The following NECAB1 variants were observed in gnomAD, a reference collection of about 807,000 sequenced individuals.
NECAB1 encodes N-terminal EF-hand calcium-binding protein 1.
In NECAB1, 29 loss-of-function variants were observed where a neutral mutation model predicts 57.5. That is an observed-to-expected ratio of 0.50 (90% CI 0.38 to 0.69). NECAB1 has a LOEUF of 0.69. Among genes scored for constraint, NECAB1 ranks in the 30% least tolerant of loss-of-function variants. The pLI, the probability that NECAB1 is intolerant of heterozygous loss-of-function variation, is 0.00. For synonymous variants in NECAB1, 142 were observed against 147.7 expected, an observed-to-expected ratio of 0.96 and a Z score of 0.28; for missense variants, 372 against 413.8, an observed-to-expected ratio of 0.90 and a Z score of 0.88.
rs1563549420 is a variant in NECAB1, at chr8:90,956,339, A to G, written c.*827A>G. 6.6e-6 allele frequency: 1 copy of G among 152,078 alleles called. No homozygotes were observed. Among genetic ancestry groups the G allele is most frequent in the Non-Finnish European group, 1.5e-5 (1 of 67,956 alleles). The allele number at this position is 152,078 out of a possible 1,614,324, so 9.4% of individuals were successfully genotyped here. On this transcript the variant is annotated 3_prime_UTR_variant, in exon 13 of 13. Coordinates refer to ENST00000417640, the MANE Select transcript of NECAB1 (RefSeq NM_022351.5). ...GAAAAATACATATTTGCATGTAAAC[A>G]ATGATTTCAAAATACTTGAAAAATA...
chr8:90,910,683 G>A (rs534077497), intron 5 of NECAB1, among the ~76,000 whole-genome samples: 1 of 152,124 alleles, frequency 6.6e-6, no homozygotes, highest in African/African-American at 2.4e-5. Context: ...GTTCACAGGG[G>A]CTACACAGTT....
chr8:90,834,164 C>CAAAA (rs71560282), intron 3 of NECAB1, among the ~76,000 whole-genome samples: 13 of 49,118 alleles, frequency 2.6e-4, no homozygotes, highest in East Asian at 1.2e-3. Context: ...AACTGTGTCT[C>CAAAA]AAAAAAAAAA....
chr8:90,831,677 C>T lies in NECAB1; in HGVS notation c.233+6852C>T, dbSNP rs116198141. The stretch of plus-strand genomic sequence containing the variant: ...TCCATTCCCAGGAGTCCTGCTTTCC[C>T]ATTCTCTTCCTAGTACAGCCATGCC... On this transcript the variant is annotated intron_variant, in intron 3 of 12. Transcript: ENST00000417640. Among the ~76,000 whole-genome samples the T allele has an allele frequency of 1.4e-3, 216 of 152,164 alleles. 1 individual carries two copies. The highest frequency in any genetic ancestry group is 5.1e-3 in the African/African-American group (211 of 41,514).
rs1305882799 is a variant in NECAB1, at chr8:90,955,657, T to C, written c.*145T>C. The C allele has an allele frequency of 7.9e-6, 4 of 504,264 alleles. No homozygotes were observed. The African/African-American group carries it at 8.0e-5, about 10-fold the overall frequency. 31.2% of individuals were successfully genotyped at this position (504,264 alleles called of 1,614,324 possible). A position where few individuals can be genotyped will look rare whatever the true frequency, so the allele number is the denominator to read the frequency against. ...CTAAGTGCACTCTTTCAAAACTTAT[T>C]CTATAACTTTATCAATTCATGTGAA... is the stretch of plus-strand genomic sequence containing the variant. On this transcript the variant is annotated 3_prime_UTR_variant, in exon 13 of 13. Coordinates refer to ENST00000417640, the MANE Select transcript of NECAB1 (RefSeq NM_022351.5).
At chr8:90,943,435 T>C (rs893647795) in intron 10 of NECAB1, among the ~76,000 whole-genome samples, 4 of 152,236 alleles carry the variant, frequency 2.6e-5, no homozygotes, top group African/African-American at 7.2e-5. Flanking sequence ...AGGGAATCAC[T>C]ACACCCATAT....
chr8:90,854,756 T>A (rs1245782664), intron 3 of NECAB1, among the ~76,000 whole-genome samples: 2 of 152,230 alleles, frequency 1.3e-5, no homozygotes, highest in Non-Finnish European at 2.9e-5. Context: ...TCACTTGCTA[T>A]AATCCACAGG....
intron 2 of NECAB1, among the ~76,000 whole-genome samples, chr8:90,819,008 AG>A: frequency 6.6e-6 from 1 of 152,114 alleles, no homozygotes; most frequent in Admixed American, 6.6e-5. Flanking sequence ...AAATTGTCAC[AG>A]GGGAGGAGAA....
intron 3 of NECAB1, among the ~76,000 whole-genome samples, chr8:90,843,594 A>G (rs1384448391): frequency 1.3e-5 from 2 of 152,232 alleles, no homozygotes; most frequent in East Asian, 1.9e-4. Flanking sequence ...CATCCGCCAG[A>G]ACAGTGAGAC....
At chr8:90,820,131 G>A (rs1812121784) in intron 2 of NECAB1, among the ~76,000 whole-genome samples, 3 of 151,854 alleles carry the variant, frequency 2.0e-5, no homozygotes, top group Admixed American at 2.0e-4. Context: ...AAATAAGCAG[G>A]TCTTAGCTGT....
At chr8:90,816,608 T>C (rs1812064997) in intron 2 of NECAB1, among the ~76,000 whole-genome samples, 1 of 151,806 alleles carries the variant, frequency 6.6e-6, no homozygotes, top group African/African-American at 2.4e-5. Flanking sequence ...TTGAAGTGCC[T>C]TTTCTCCTTT....
chr8:90,906,891 A>ATATATATATATATATGTATATATATATG (rs71266150), intron 5 of NECAB1, among the ~76,000 whole-genome samples: 3,240 of 113,290 alleles, frequency 0.029, 171 homozygotes, highest in East Asian at 0.11. Context: ...ATATATATAT[A>ATATATATATATATATGTATATATATATG]TATATATATA....
intron 5 of NECAB1, among the ~76,000 whole-genome samples, chr8:90,899,895 T>C (rs917026873): frequency 6.6e-6 from 1 of 152,112 alleles, no homozygotes; most frequent in African/African-American, 2.4e-5. Flanking sequence ...TTTCAGAATA[T>C]TCTGGGACCT....
intron 5 of NECAB1, among the ~76,000 whole-genome samples, chr8:90,902,509 GCTCT>G (rs762883717): frequency 2.4e-4 from 36 of 152,028 alleles, no homozygotes; most frequent in South Asian, 6.2e-4. Context: ...ATGCAAAGGG[GCTCT>G]CTGTCTCTCT....
chr8:90,846,632 A>G (rs1812564069), intron 3 of NECAB1, among the ~76,000 whole-genome samples: 2 of 152,170 alleles, frequency 1.3e-5, no homozygotes, highest in Non-Finnish European at 2.9e-5. Flanking sequence ...AAATACCCAA[A>G]CTGGGTAATT....
At chr8:90,921,193 T>C (rs1239989192) in intron 6 of NECAB1, among the ~76,000 whole-genome samples, 1 of 152,092 alleles carries the variant, frequency 6.6e-6, no homozygotes, top group Non-Finnish European at 1.5e-5. Context: ...ATTTTTGTAT[T>C]TTTAGTAGAG....
intron 3 of NECAB1, chr8:90,858,936 G>C (rs980554444): frequency 1.3e-5 from 2 of 151,974 alleles, no homozygotes; most frequent in African/African-American, 2.4e-5. Context: ...AACAGTTGGG[G>C]TGTTTTTTAC....
chr8:90,821,047 A>G (rs1812135573), intron 2 of NECAB1, among the ~76,000 whole-genome samples: 1 of 151,764 alleles, frequency 6.6e-6, no homozygotes, highest in African/African-American at 2.4e-5. Flanking sequence ...TGTTGTAGGC[A>G]TTCTCCCTGG....
At chr8:90,845,416 A>T (rs1326704361) in intron 3 of NECAB1, among the ~76,000 whole-genome samples, 1 of 152,176 alleles carries the variant, frequency 6.6e-6, no homozygotes, top group Non-Finnish European at 1.5e-5. Context: ...CCTAGCATGC[A>T]TACTTATATT....
chr8:90,828,445 A>C (rs1296611843), intron 3 of NECAB1, among the ~76,000 whole-genome samples: 1 of 152,044 alleles, frequency 6.6e-6, no homozygotes, highest in African/African-American at 2.4e-5. Flanking sequence ...GCACAAGCTT[A>C]AGCTCAGTGC....
Sources: gnomAD v4.1 joint callset for allele counts (sites outside exome capture counted in the v4.1 genomes callset) on GRCh38, gnomAD v4.1.1 for gene constraint, MANE v1.5 for transcripts, NCBI Gene and HGNC (gene_info 2026-07-23, HGNC 2026-07-21) for gene names.